Variants in AGO3 observed in about 807,000 individuals in gnomAD.
The protein encoded by AGO3 is protein argonaute-3.
AGO3 carries 16 observed loss-of-function variants against 105.5 expected under a neutral mutation model. The ratio of observed to expected loss-of-function variants is 0.15; its 90% CI spans 0.10 to 0.23. The LOEUF is 0.23. Among genes scored for constraint, AGO3 ranks in the 10% least tolerant of loss-of-function variants. AGO3 has a pLI of 1.00. For missense variants in AGO3, 534 were observed against 1,088.0 expected (o/e 0.49, Z 7.16); for synonymous variants, 340 against 367.3 (o/e 0.93, Z 0.85).
intron 9 of AGO3, among the ~76,000 whole-genome samples, chr1:36,010,601 CAAAA>C (rs1251742764): frequency 2.2e-5 from 2 of 92,240 alleles, no homozygotes; most frequent in Admixed American, 1.2e-4. Flanking sequence ...GACTCTGTCT[CAAAA>C]AAAAAAAAAA....
intron 2 of AGO3, among the ~76,000 whole-genome samples, chr1:35,959,496 T>A (rs567170450): frequency 8.5e-5 from 13 of 152,232 alleles, no homozygotes; most frequent in Non-Finnish European, 1.8e-4. Flanking sequence ...CATTCTTATC[T>A]GTGTTTACTC....
intron 12 of AGO3, among the ~76,000 whole-genome samples, chr1:36,032,708 T>C (rs1641835892): frequency 6.6e-6 from 1 of 151,470 alleles, no homozygotes; most frequent in Non-Finnish European, 1.5e-5. Flanking sequence ...TAAGAAGTTA[T>C]GCTGGGTGCA....
chr1:36,004,417 T>C lies in AGO3; in HGVS notation c.735T>C (p.Asp245=). The part of the protein sequence containing the change: ...MCEVLDIHNI[D]EQPRPLTDSH... Reference sequence around the variant, plus strand: ...AAGTTCTTGATATTCATAATATTGATGAGCAACCAAGACCTCTGACTGATT... The same window carrying C: ...AAGTTCTTGATATTCATAATATTGACGAGCAACCAAGACCTCTGACTGATT... Residue 245 remains aspartate (D), a synonymous_variant, in exon 6 of 19, where the codon GAT becomes GAC. Transcript: ENST00000373191. 1.9e-6 allele frequency: 3 copies of C among 1,608,746 alleles called. No homozygotes were observed. Among genetic ancestry groups the C allele is most frequent in the Non-Finnish European group, 2.6e-6 (3 of 1,176,402 alleles).
chr1:35,961,801 T>C (rs1178852811), intron 2 of AGO3, among the ~76,000 whole-genome samples: 1 of 152,208 alleles, frequency 6.6e-6, no homozygotes, highest in Non-Finnish European at 1.5e-5. Flanking sequence ...CTTAAATATA[T>C]GCAACCTCAG....
intron 2 of AGO3, among the ~76,000 whole-genome samples, chr1:35,962,475 G>A (rs1484424279): frequency 6.6e-6 from 1 of 151,678 alleles, no homozygotes; most frequent in East Asian, 1.9e-4. Flanking sequence ...CCCAGGAGGG[G>A]GAGCTTGCAG....
At chr1:35,986,653 A>C (rs577686983) in intron 5 of AGO3, among the ~76,000 whole-genome samples, 23 of 151,796 alleles carry the variant, frequency 1.5e-4, no homozygotes, top group Admixed American at 3.3e-4. Context: ...ACACCTCTGT[A>C]CTCCAGTCTA....
intron 17 of AGO3, among the ~76,000 whole-genome samples, chr1:36,052,348 C>T (rs1002331617): frequency 6.6e-6 from 1 of 151,534 alleles, no homozygotes; most frequent in African/African-American, 2.4e-5. Context: ...CTGGTGGAAG[C>T]TATAAAAGTT....
intron 5 of AGO3, among the ~76,000 whole-genome samples, chr1:35,990,513 A>C (rs926311344): frequency 3.3e-5 from 5 of 152,248 alleles, no homozygotes; most frequent in South Asian, 2.1e-4. Flanking sequence ...CAAAAACAAA[A>C]AATTTTATTT....
chr1:35,931,693 C>T (rs1182282004), intron 1 of AGO3, among the ~76,000 whole-genome samples: 2 of 152,218 alleles, frequency 1.3e-5, no homozygotes, highest in East Asian at 1.9e-4. Context: ...GTTATCTAGG[C>T]GGCATTACTC....
At chr1:36,025,819 C>A (rs564890006) in intron 11 of AGO3, among the ~76,000 whole-genome samples, 1 of 152,162 alleles carries the variant, frequency 6.6e-6, no homozygotes, top group South Asian at 2.1e-4. Context: ...GGGTGGATGG[C>A]CTGAGGTCAG....
chr1:35,971,771 T>C (rs1214322975), intron 3 of AGO3, among the ~76,000 whole-genome samples: 1 of 152,154 alleles, frequency 6.6e-6, no homozygotes, highest in African/African-American at 2.4e-5. Flanking sequence ...TTCAAGAGAT[T>C]TTCCTCATTC....
At chr1:36,000,376 T>C (rs1640030779) in intron 5 of AGO3, among the ~76,000 whole-genome samples, 2 of 152,182 alleles carry the variant, frequency 1.3e-5, no homozygotes, top group Admixed American at 1.3e-4. Context: ...CCCACCTTCC[T>C]GTAGAGAAGA....
At chr1:35,949,535 A>G (rs1646431467) in intron 2 of AGO3, among the ~76,000 whole-genome samples, 1 of 152,222 alleles carries the variant, frequency 6.6e-6, no homozygotes, top group African/African-American at 2.4e-5. Context: ...CCTTTTCAAT[A>G]TTAGCAAAAC....
intron 1 of AGO3, among the ~76,000 whole-genome samples, chr1:35,944,193 A>G (rs972864366): frequency 2.0e-5 from 3 of 151,978 alleles, no homozygotes; most frequent in Non-Finnish European, 2.9e-5. Flanking sequence ...GTACCATTTT[A>G]TAGTTCCACC....
At chr1:35,981,785 A>G (rs1647057504) in intron 5 of AGO3, among the ~76,000 whole-genome samples, 1 of 151,994 alleles carries the variant, frequency 6.6e-6, no homozygotes, top group Non-Finnish European at 1.5e-5. Context: ...AGAATCCCCC[A>G]TTTAATCTCA....
In AGO3 at chr1:36,043,555, C is replaced by A; in HGVS notation, c.2274+7C>A. On this transcript the variant is annotated splice_region_variant and intron_variant, in intron 17 of 18. Transcript: ENST00000373191. The stretch of plus-strand genomic sequence containing the variant: ...TAGCCATGCTGGAATACAGGTAAGC[C>A]TACACTTTGGGTAAAATATTTTAAT... 6.3e-7 allele frequency: 1 copy of A among 1,586,656 alleles called. No homozygotes were observed. Among genetic ancestry groups the A allele is most frequent in the South Asian group, 1.1e-5 (1 of 87,064 alleles).
chr1:35,995,524 A>AAC (rs1330672478), intron 5 of AGO3, among the ~76,000 whole-genome samples: 2 of 152,108 alleles, frequency 1.3e-5, no homozygotes, highest in Non-Finnish European at 2.9e-5. Context: ...CTTCTCAGTA[A>AAC]ATGATGTAAC....
chr1:36,004,226 A>C, intron 5 of AGO3, 115 bp from the exon 6 acceptor site: 2 of 1,106,394 alleles, frequency 1.8e-6, no homozygotes, highest in Non-Finnish European at 2.5e-6. Flanking sequence ...GTATGTACAT[A>C]AATGTGCATA....
chr1:35,973,263 T>G, intron 4 of AGO3, 112 bp from the exon 5 acceptor site: 1 of 1,123,728 alleles, frequency 8.9e-7, no homozygotes, highest in Admixed American at 3.2e-5. Flanking sequence ...GTTTCATATA[T>G]TCATAATGAT....
Sources: gnomAD v4.1 joint callset for allele counts (sites outside exome capture counted in the v4.1 genomes callset) on GRCh38, gnomAD v4.1.1 for gene constraint, MANE v1.5 for transcripts, NCBI Gene and HGNC (gene_info 2026-07-23, HGNC 2026-07-21) for gene names.